The following HMGB2 variants were observed in gnomAD, a reference collection of about 807,000 sequenced individuals.
HMGB2 encodes the protein high mobility group box 2, also known as high mobility group protein B2.
HMGB2 carries 2 observed loss-of-function variants against 23.0 expected under a neutral mutation model. That is an observed-to-expected ratio of 0.09 (90% confidence interval 0.04 to 0.27). The LOEUF is 0.27. HMGB2 is among the 10% of genes least tolerant of loss of function. The probability of loss-of-function intolerance (pLI) is 1.00; values close to 1 mark genes in which losing one functional copy is unlikely to be tolerated. For missense variants in HMGB2, 178 were observed against 256.5 expected (o/e 0.69, Z 2.09); for synonymous variants, 99 against 87.5 (o/e 1.13, Z -0.73).
At position 173,332,082 on chromosome 4, in the gene HMGB2, ATTC is replaced by A. The variant is rs1301240770; in HGVS notation, c.625_627del (p.Glu209del). Reference sequence around the variant, plus strand: ...ACGCATCATTAAAGGATAGCCATTTATTCTTCATCTTCATCCTCTTCCTCCTCA... The same window carrying A: ...ACGCATCATTAAAGGATAGCCATTTATTCATCTTCATCCTCTTCCTCCTCA... On this transcript the variant is annotated inframe_deletion, in exon 5 of 5. Transcript: ENST00000296503. 2 of 1,613,776 alleles carry A rather than the reference ATTC, an allele frequency of 1.2e-6. No individual in the cohort carries two copies. The highest frequency in any genetic ancestry group is 1.7e-5 in the Admixed American group (1 of 60,006).
chr4:173,332,267 C>A, intron 4 of HMGB2, 29 bp from the exon 5 acceptor site: 1 of 1,518,806 alleles, frequency 6.6e-7, no homozygotes. Context: ...AATAAAGCAT[C>A]CGGTATCATT....
At position 173,333,463 on chromosome 4, in the gene HMGB2, C is replaced by T. The variant is rs114947686; in HGVS notation, c.150+37G>A. 1,565 of 1,596,474 alleles carry T rather than the reference C, an allele frequency of 9.8e-4. 18 individuals are homozygous for T. In the African/African-American group the frequency reaches 0.019, roughly 19 times the overall value. On this transcript the variant is annotated intron_variant, in intron 2 of 4. Coordinates refer to ENST00000296503, the MANE Select transcript of HMGB2 (RefSeq NM_002129.4). This position sits in a 1 kb window ranked among gnomAD's most constrained non-coding sequence, Gnocchi z 4.6. ...AAGGCCCTCCTAGCCGAAAACCACA[C>T]CTGCACCCCCTGAGCTCCGTCCCTC...
chr4:173,333,678 G>A lies in HMGB2; in HGVS notation c.-20-9C>T, dbSNP rs1738167129. The A allele has an allele frequency of 1.3e-6, 2 of 1,579,756 alleles. No homozygotes were observed. Among genetic ancestry groups the A allele is most frequent in the African/African-American group, 1.4e-5 (1 of 73,236 alleles). On this transcript the variant is annotated splice_polypyrimidine_tract_variant and intron_variant, in intron 1 of 4. Coordinates refer to ENST00000296503, the MANE Select transcript of HMGB2 (RefSeq NM_002129.4). The surrounding 1 kb of genome is among the most constrained non-coding windows in gnomAD (Gnocchi z 4.6). Reference sequence around the variant, plus strand: ...GACAGATCCGCGTCCACCTGACGGGGCCGAGGGGGGAGAGGGGAAGCCGGA... The same window carrying A: ...GACAGATCCGCGTCCACCTGACGGGACCGAGGGGGGAGAGGGGAAGCCGGA...
chr4:173,333,871 T>C lies in HMGB2; in HGVS notation c.-20-202A>G, dbSNP rs1277832894. 2.8e-5 allele frequency among the ~76,000 whole-genome samples: 4 copies of C among 142,530 alleles called. No homozygotes were observed. The highest frequency in any genetic ancestry group is 2.1e-4 in the Admixed American group (3 of 14,444). 93.5% of individuals were successfully genotyped at this position (142,530 alleles called of 152,430 possible). On this transcript the variant is annotated intron_variant, in intron 1 of 4. Coordinates refer to ENST00000296503, the MANE Select transcript of HMGB2 (RefSeq NM_002129.4). This position sits in a 1 kb window ranked among gnomAD's most constrained non-coding sequence, Gnocchi z 4.6. ...CCGGCGCACACCCTCCTCCTCCTCC[T>C]CCTCCCGGCCCGAGCGGCCGCGGCT...
rs138727767 is a variant in HMGB2 at position 173,333,596 on chromosome 4, G to A, written c.54C>T (p.Phe18=). 1,814 of 1,614,170 alleles carry A rather than the reference G, an allele frequency of 1.1e-3. 2 individuals carry two copies. The highest frequency in any genetic ancestry group is 1.8e-3 in the Admixed American group (111 of 60,030). ...KPRGKMSSYA[F]FVQTCREEHK... ...GCTCTTCCCGGCAGGTCTGCACGAAGAAGGCGTACGAGGACATTTTGCCCC... is the reference window on the plus strand; with the variant it reads ...GCTCTTCCCGGCAGGTCTGCACGAAAAAGGCGTACGAGGACATTTTGCCCC... Residue 18 remains phenylalanine, a synonymous_variant, in exon 2 of 5, where the codon TTC becomes TTT. Transcript: ENST00000296503. This position sits in a 1 kb window ranked among gnomAD's most constrained non-coding sequence, Gnocchi z 4.6.
Position 173,333,720 on chromosome 4 carries a change from C to A in HMGB2, c.-20-51G>T. ...GAAGCCGGAGGGTCGGCGCGGAGCC[C>A]GCAGCTGCCAGGGCGGGCGCTGGCG... On this transcript the variant is annotated intron_variant, in intron 1 of 4. Coordinates refer to ENST00000296503, the MANE Select transcript of HMGB2 (RefSeq NM_002129.4). This position sits in a 1 kb window ranked among gnomAD's most constrained non-coding sequence, Gnocchi z 4.6. The A allele has an allele frequency of 7.0e-7, 1 of 1,430,444 alleles. No homozygotes were observed. Among genetic ancestry groups the A allele is most frequent in the South Asian group, 1.3e-5 (1 of 74,280 alleles). The allele number at this position is 1,430,444 out of a possible 1,614,324, so 88.6% of individuals were successfully genotyped here.
chr4:173,333,618 C>T lies in HMGB2; in HGVS notation c.32G>A (p.Gly11Asp). 6.2e-7 allele frequency: 1 copy of T among 1,614,020 alleles called. No homozygotes were observed. Among genetic ancestry groups the T allele is most frequent in the Non-Finnish European group, 8.5e-7 (1 of 1,179,924 alleles). MGKGDPNKPR[G>D]KMSSYAFFVQ... Reference sequence around the variant, plus strand: ...GAAGAAGGCGTACGAGGACATTTTGCCCCGCGGCTTGTTGGGGTCTCCTTT... The same window carrying T: ...GAAGAAGGCGTACGAGGACATTTTGTCCCGCGGCTTGTTGGGGTCTCCTTT... The change falls in exon 2 of 5, where the codon GGC becomes GAC. Residue 11 changes from glycine to aspartate, a missense_variant. Transcript: ENST00000296503. The surrounding 1 kb of genome is among the most constrained non-coding windows in gnomAD (Gnocchi z 4.6).
In HMGB2 at chr4:173,332,172, C is replaced by T. The variant is rs764978034; in HGVS notation, c.538G>A (p.Gly180Ser). ...AGKKGPGRPTGSKKKNEPEDE... is the reference protein window; with the variant it reads ...AGKKGPGRPTSSKKKNEPEDE... ...TCTGGTTCGTTCTTCTTCTTTGAGC[C>T]TGTTGGCCTGCCAGGGCCCTTCTTT... Residue 180 changes from glycine to serine, a missense_variant, in exon 5 of 5, where the codon GGC becomes AGC. By Grantham distance (56) the Gly-to-Ser change is moderately conservative (BLOSUM62 0). Around this residue, in one of 3 missense-constraint regions of HMGB2, gnomAD observed 45 missense variants for 38.8 expected, o/e 1.16. Transcript: ENST00000296503. 5 of 1,613,452 alleles carry T rather than the reference C, an allele frequency of 3.1e-6. No homozygotes were observed. Among genetic ancestry groups the T allele is most frequent in the Non-Finnish European group, 4.2e-6 (5 of 1,179,614 alleles).
In HMGB2 at chr4:173,332,116, ATCTTCT is replaced by A. The variant is rs761460501; in HGVS notation, c.588_593del (p.Glu196_Glu197del). 1.4e-5 allele frequency: 22 copies of A among 1,610,340 alleles called. No individual in the cohort carries two copies. The highest frequency in any genetic ancestry group is 3.3e-4 in the Middle Eastern group (2 of 6,066). On this transcript the variant is annotated inframe_deletion, in exon 5 of 5. Coordinates refer to ENST00000296503, the MANE Select transcript of HMGB2 (RefSeq NM_002129.4). ...CTTCATCCTCTTCCTCCTCATCTTC[ATCTTCT>A]TCTTCCTCCTCCTCCTCCTCATCTT...
At chr4:173,332,499 G>T in intron 4 of HMGB2, 1 of 485,374 alleles carries the variant, frequency 2.1e-6, no homozygotes, top group East Asian at 3.3e-5. Flanking sequence ...AGTCCCTCCT[G>T]TACCTTCACA....
Position 173,332,110 on chromosome 4 carries a change from ATCT to A in HMGB2, c.597_599del (p.Glu199del), listed in dbSNP as rs368946299. On this transcript the variant is annotated inframe_deletion, in exon 5 of 5. Transcript: ENST00000296503. ...CTTCATCTTCATCCTCTTCCTCCTC[ATCT>A]TCATCTTCTTCTTCCTCCTCCTCCT... is the stretch of plus-strand genomic sequence containing the variant. 500 of 1,610,144 alleles carry A rather than the reference ATCT, an allele frequency of 3.1e-4. No individual in the cohort carries two copies. The African/African-American group carries it at 6.1e-3, about 20-fold the overall frequency.
Position 173,331,959 on chromosome 4 carries a change from A to C in HMGB2, c.*121T>G, listed in dbSNP as rs1455866741. 2 of 1,316,540 alleles carry C rather than the reference A, an allele frequency of 1.5e-6. No individual in the cohort carries two copies. The highest frequency in any genetic ancestry group is 2.0e-6 in the Non-Finnish European group (2 of 987,968). 81.6% of individuals were successfully genotyped at this position (1,316,540 alleles called of 1,614,324 possible). A position where few individuals can be genotyped will look rare whatever the true frequency, so the allele number is the denominator to read the frequency against. On this transcript the variant is annotated 3_prime_UTR_variant, in exon 5 of 5. Coordinates refer to ENST00000296503, the MANE Select transcript of HMGB2 (RefSeq NM_002129.4). ...CTACAGAGAATCTTATCAGCTATAC[A>C]AAAATCTGTACAGTTTTTATACTGA... is the stretch of plus-strand genomic sequence containing the variant.
chr4:173,332,982 GGAA>G lies in HMGB2; in HGVS notation c.307_309del (p.Phe103del). The G allele has an allele frequency of 6.2e-7, 1 of 1,614,060 alleles. No homozygotes were observed. Among genetic ancestry groups the G allele is most frequent in the Non-Finnish European group, 8.5e-7 (1 of 1,179,934 alleles). ...TTTGGGCGATGTTCAGAGCAAAACA[GGAA>G]GAAGGCAGATCTGAAAGGAAGCAAC... is the stretch of plus-strand genomic sequence containing the variant. On this transcript the variant is annotated inframe_deletion, in exon 4 of 5. Transcript: ENST00000296503.
chr4:173,332,374 G>C, intron 4 of HMGB2, 136 bp from the exon 5 acceptor site: 1 of 651,940 alleles, frequency 1.5e-6, no homozygotes, highest in Non-Finnish European at 2.6e-6. Flanking sequence ...TAAGTTTTTA[G>C]AGCACTTATC....
Position 173,332,047 on chromosome 4 carries a change from C to T in HMGB2, c.*33G>A, listed in dbSNP as rs375284752. ...CAAAATAATTGCCTGAGCACACACA[C>T]ACATTCCACACGCATCATTAAAGGA... is the stretch of plus-strand genomic sequence containing the variant. On this transcript the variant is annotated 3_prime_UTR_variant, in exon 5 of 5. Transcript: ENST00000296503. The T allele has an allele frequency of 6.2e-7, 1 of 1,612,842 alleles. No individual in the cohort carries two copies. The highest frequency in any genetic ancestry group is 1.3e-5 in the African/African-American group (1 of 75,040).
Position 173,333,266 on chromosome 4 carries a change from C to T in HMGB2, c.151-52G>A, listed in dbSNP as rs531278892. The T allele has an allele frequency of 5.1e-6, 8 of 1,562,500 alleles. No homozygotes were observed. In the South Asian group the frequency reaches 5.9e-5, roughly 11 times the overall value. On this transcript the variant is annotated intron_variant, in intron 2 of 4. Coordinates refer to ENST00000296503, the MANE Select transcript of HMGB2 (RefSeq NM_002129.4). This position sits in a 1 kb window ranked among gnomAD's most constrained non-coding sequence, Gnocchi z 4.6. ...ATACAGCAAAATTGTTACCTATAAA[C>T]ATCCAAAGACGACAAGATCATCTTT...
intron 4 of HMGB2, chr4:173,332,552 T>G (rs1738128529): frequency 2.1e-6 from 1 of 474,460 alleles, no homozygotes; most frequent in Non-Finnish European, 3.7e-6. Context: ...GACTCTCTGC[T>G]TAAAAAAAAA....
At chr4:173,332,693 T>C in intron 4 of HMGB2, 128 bp downstream of exon 4, 1 of 844,640 alleles carries the variant, frequency 1.2e-6, no homozygotes, top group Non-Finnish European at 1.9e-6. Flanking sequence ...AAGTGTACAA[T>C]TTTCATTAGG....
rs1578933614 is a variant in HMGB2 at position 173,332,043 on chromosome 4, C to T, written c.*37G>A. On this transcript the variant is annotated 3_prime_UTR_variant, in exon 5 of 5. Transcript: ENST00000296503. ...TTAGCAAAATAATTGCCTGAGCACA[C>T]ACACACATTCCACACGCATCATTAA... 1 of 1,612,306 alleles carries T rather than the reference C, an allele frequency of 6.2e-7. No individual in the cohort carries two copies. The highest frequency in any genetic ancestry group is 8.5e-7 in the Non-Finnish European group (1 of 1,179,498).
Sources: allele counts gnomAD v4.1 joint callset (sites outside exome capture counted in the v4.1 genomes callset), GRCh38; gene constraint gnomAD v4.1.1; regional missense constraint gnomAD v4.1.1; non-coding constraint Gnocchi (gnomAD v3.1); transcripts MANE v1.5; gene names NCBI Gene and HGNC (gene_info 2026-07-23, HGNC 2026-07-21).